Variants in ZNF141 observed in about 807,000 individuals in gnomAD.
The protein encoded by ZNF141 is zinc finger protein 141 (clone pHZ-44).
Under a neutral mutation model 11.3 loss-of-function variants are expected in ZNF141, and 7 were observed. The ratio of observed to expected loss-of-function variants is 0.62; its 90% CI spans 0.35 to 1.16. The LOEUF (loss-of-function observed/expected upper bound fraction) is 1.16, where lower values mean the gene tolerates loss of function less well. Ranked by LOEUF, ZNF141 falls within the 50% of genes most tolerant of loss-of-function variation. The pLI is 0.02. For missense variants in ZNF141, 535 were observed against 554.0 expected (o/e 0.97, Z 0.34); for synonymous variants, 183 against 190.7 (o/e 0.96, Z 0.33).
rs1712733723 is a variant in ZNF141 at position 383,013 on chromosome 4, T to C, written c.*9151T>C. 1 of 545,456 alleles carries C rather than the reference T, an allele frequency of 1.8e-6. No homozygotes were observed. The highest frequency in any genetic ancestry group is 1.9e-5 in the African/African-American group (1 of 52,202). 33.8% of individuals were successfully genotyped at this position (545,456 alleles called of 1,614,324 possible). The stretch of plus-strand genomic sequence containing the variant: ...TTCTGTTTCCCAAACCTTGAACTTC[T>C]CTTGACTTATCTGCACTGGCACAGG... On this transcript the variant is annotated 3_prime_UTR_variant, in exon 4 of 4. Transcript: ENST00000240499.
chr4:349,978 C>A (rs1302363693), intron 3 of ZNF141, among the ~76,000 whole-genome samples: 6 of 144,992 alleles, frequency 4.1e-5, no homozygotes, highest in Admixed American at 4.1e-4. Flanking sequence ...TGGACTGTGA[C>A]TGTGAGGGCT....
In ZNF141 at chr4:378,836, T is replaced by TTTC. The variant is rs1712489180; in HGVS notation, c.*4976_*4977insCTT. Among the ~76,000 whole-genome samples the TTTC allele has an allele frequency of 4.5e-5, 2 of 44,698 alleles. No homozygotes were observed. Among genetic ancestry groups the TTTC allele is most frequent in the Non-Finnish European group, 8.3e-5 (2 of 24,206 alleles). The allele number at this position is 44,698 out of a possible 152,430, so 29.3% of individuals were successfully genotyped here. ...TTGAATCCAAACAGTTTCTCAGTGATTTTTTTTTTTTTTTTTTTTTTTTTT... is the reference window on the plus strand; with the variant it reads ...TTGAATCCAAACAGTTTCTCAGTGATTTCTTTTTTTTTTTTTTTTTTTTTTTTT... On this transcript the variant is annotated 3_prime_UTR_variant, in exon 4 of 4. Transcript: ENST00000240499.
intron 3 of ZNF141, among the ~76,000 whole-genome samples, chr4:352,911 C>G (rs149374070): frequency 4.3e-4 from 65 of 152,262 alleles, no homozygotes; most frequent in Non-Finnish European, 7.5e-4. Flanking sequence ...AGGTGGGCCC[C>G]TGGAGTTTGT....
intron 3 of ZNF141, among the ~76,000 whole-genome samples, chr4:361,536 C>T (rs1336015979): frequency 6.6e-6 from 1 of 151,976 alleles, no homozygotes; most frequent in East Asian, 1.9e-4. Context: ...CCCCGCCCAA[C>T]CCCACGACAG....
chr4:358,034 T>TA (rs1445753232), intron 3 of ZNF141, among the ~76,000 whole-genome samples: 3 of 151,776 alleles, frequency 2.0e-5, no homozygotes, highest in African/African-American at 7.3e-5. Context: ...CTTTAAGTTT[T>TA]AATTAGGAAC....
chr4:347,780 G>A (rs1721407550), intron 3 of ZNF141, among the ~76,000 whole-genome samples: 1 of 150,236 alleles, frequency 6.7e-6, no homozygotes, highest in African/African-American at 2.4e-5. Flanking sequence ...TTTTCGAATG[G>A]GTTATTCATT....
chr4:342,882 C>T (rs1291433449), intron 1 of ZNF141: 15 of 1,607,014 alleles, frequency 9.3e-6, no homozygotes, highest in Non-Finnish European at 1.3e-5. Flanking sequence ...GAAGGTTGAA[C>T]AGACTGCCGA....
chr4:352,293 A>G (rs1363651400), intron 3 of ZNF141, among the ~76,000 whole-genome samples: 1 of 152,214 alleles, frequency 6.6e-6, no homozygotes, highest in Non-Finnish European at 1.5e-5. Context: ...AGGCTGAGGC[A>G]GGAGAATCAC....
At chr4:358,203 T>A (rs1560190074) in intron 3 of ZNF141, 29 of 385,824 alleles carry the variant, frequency 7.5e-5, no homozygotes, top group African/African-American at 9.0e-5. Flanking sequence ...TTTTTTTTTT[T>A]AAAGATGGAG....
chr4:351,442 C>T (rs1481028722), intron 3 of ZNF141, among the ~76,000 whole-genome samples: 1 of 151,758 alleles, frequency 6.6e-6, no homozygotes. Context: ...ACCATGTTAG[C>T]CAGGTGGTCT....
intron 1 of ZNF141, among the ~76,000 whole-genome samples, chr4:341,737 A>G (rs1721062084): frequency 6.6e-6 from 1 of 152,178 alleles, no homozygotes; most frequent in South Asian, 2.1e-4. Context: ...GAAATCTCTC[A>G]CAGAACTGAT....
rs183493502 is a variant in ZNF141 at position 365,330 on chromosome 4, G to A, written c.227-7334G>A. ...ACCCTGTTTCAGCTTGCCCTCAGTG[G>A]GCTGCACTGCACCCACTGTCCAACC... On this transcript the variant is annotated intron_variant, in intron 3 of 3. Coordinates refer to ENST00000240499, the MANE Select transcript of ZNF141 (RefSeq NM_003441.4). Among the ~76,000 whole-genome samples, 890 of 152,234 alleles carry A rather than the reference G, an allele frequency of 5.8e-3. 11 individuals are homozygous for A. The highest frequency in any genetic ancestry group is 0.019 in the African/African-American group (805 of 41,546).
In ZNF141 at chr4:374,891, C is replaced by T. The variant is rs975814898; in HGVS notation, c.*1029C>T. The T allele has an allele frequency of 2.0e-5, 3 of 152,200 alleles. No homozygotes were observed. The highest frequency in any genetic ancestry group is 4.4e-5 in the Non-Finnish European group (3 of 68,044). The allele number at this position is 152,200 out of a possible 1,614,324, so 9.4% of individuals were successfully genotyped here. On this transcript the variant is annotated 3_prime_UTR_variant, in exon 4 of 4. Transcript: ENST00000240499. ...GTGTGACAAAGCTTGCAACCACACT[C>T]AATCTATTCTAAATATAAGAGAAAT...
At chr4:338,582 A>G (rs553134409) in intron 1 of ZNF141, 52 of 154,788 alleles carry the variant, frequency 3.4e-4, no homozygotes, top group Non-Finnish European at 4.9e-4. Flanking sequence ...AGAATACGCT[A>G]GTGTGGGCGC....
Position 383,040 on chromosome 4 carries a change from T to C in ZNF141, c.*9178T>C. 1 of 623,370 alleles carries C rather than the reference T, an allele frequency of 1.6e-6. No homozygotes were observed. The highest frequency in any genetic ancestry group is 2.8e-6 in the Non-Finnish European group (1 of 351,202). The allele number at this position is 623,370 out of a possible 1,614,324, so 38.6% of individuals were successfully genotyped here. The stretch of plus-strand genomic sequence containing the variant: ...TTGACTTATCTGCACTGGCACAGGG[T>C]GCCAGTTTGGGGCCCAGGTTTAAAG... On this transcript the variant is annotated 3_prime_UTR_variant, in exon 4 of 4. Transcript: ENST00000240499.
In ZNF141 at chr4:373,353, A is replaced by T; in HGVS notation, c.916A>T (p.Thr306Ser). ...SNFAKHKRIH[T>S]GEKPYKCEEC... Reference sequence around the variant, plus strand: ...CTTTGCCAAACATAAGCGAATTCATACTGGAGAGAAACCCTACAAATGTGA... The same window carrying T: ...CTTTGCCAAACATAAGCGAATTCATTCTGGAGAGAAACCCTACAAATGTGA... The change falls in exon 4 of 4, where the codon ACT becomes TCT. Residue 306 changes from threonine (T) to serine (S), a missense_variant. By Grantham distance (58) the Thr-to-Ser change is moderately conservative (BLOSUM62 1). Coordinates refer to ENST00000240499, the MANE Select transcript of ZNF141 (RefSeq NM_003441.4). 1.9e-6 allele frequency: 3 copies of T among 1,613,690 alleles called. No homozygotes were observed. The highest frequency in any genetic ancestry group is 2.5e-6 in the Non-Finnish European group (3 of 1,179,856).
At chr4:369,203 A>G (rs1401543743) in intron 3 of ZNF141, among the ~76,000 whole-genome samples, 1 of 152,130 alleles carries the variant, frequency 6.6e-6, no homozygotes. Context: ...ATATATGTAT[A>G]CCCACATTTA....
In ZNF141 at chr4:374,799, T is replaced by C; in HGVS notation, c.*937T>C. The C allele has an allele frequency of 6.5e-6, 1 of 154,390 alleles. No homozygotes were observed. Among genetic ancestry groups the C allele is most frequent in the Non-Finnish European group, 1.5e-5 (1 of 68,250 alleles). The allele number at this position is 154,390 out of a possible 1,614,324, so 9.6% of individuals were successfully genotyped here. ...CAAATGTGAAGAATGTGGCAGTCTT[T>C]AAATCTTCCTCAGTCTTTTCTAATC... On this transcript the variant is annotated 3_prime_UTR_variant, in exon 4 of 4. Coordinates refer to ENST00000240499, the MANE Select transcript of ZNF141 (RefSeq NM_003441.4).
chr4:362,630 A>G (rs1711546716), intron 3 of ZNF141, among the ~76,000 whole-genome samples: 1 of 152,226 alleles, frequency 6.6e-6, no homozygotes. Flanking sequence ...TTTATTAAAT[A>G]GGGAGTCCTT....
Sources: allele counts gnomAD v4.1 joint callset (sites outside exome capture counted in the v4.1 genomes callset), GRCh38; gene constraint gnomAD v4.1.1; transcripts MANE v1.5; gene names NCBI Gene and HGNC (gene_info 2026-07-23, HGNC 2026-07-21).